Variants in ASTN1 observed in about 807,000 individuals in gnomAD.
The protein encoded by ASTN1 is astrotactin-1.
A neutral mutation model predicts 140.7 loss-of-function variants in ASTN1; 41 were observed. The ratio of observed to expected loss-of-function variants is 0.29; its 90% CI spans 0.23 to 0.38. ASTN1 has a LOEUF of 0.38. Among genes scored for constraint, ASTN1 ranks in the 10% least tolerant of loss-of-function variants. The probability of loss-of-function intolerance (pLI) is 1.00; values close to 1 mark genes in which losing one functional copy is unlikely to be tolerated. For missense variants in ASTN1, 1,479 were observed against 1,678.8 expected, an observed-to-expected ratio of 0.88 and a Z score of 2.08; for synonymous variants, 640 against 652.2, an observed-to-expected ratio of 0.98 and a Z score of 0.29.
rs79752339 is a variant in ASTN1 at position 176,862,305 on chromosome 1, C to T, written c.*1979G>A. The T allele has an allele frequency of 4.5e-4, 443 of 985,464 alleles. 2 individuals carry two copies. The African/African-American group carries it at 7.1e-3, about 16-fold the overall frequency. 61.0% of individuals were successfully genotyped at this position (985,464 alleles called of 1,614,324 possible). Reference sequence around the variant, plus strand: ...AGAAGGAGAGAGGAGAGTGAAACCACCCTGTGCTTTATCTCAGCCTCATCA... The same window carrying T: ...AGAAGGAGAGAGGAGAGTGAAACCATCCTGTGCTTTATCTCAGCCTCATCA... On this transcript the variant is annotated 3_prime_UTR_variant, in exon 23 of 23. Transcript: ENST00000361833.
At chr1:176,869,168 G>T (rs10913266) in intron 21 of ASTN1, 141 bp from the exon 22 acceptor site, 8,016 of 499,554 alleles carry the variant, frequency 0.016, 499 homozygotes, top group African/African-American at 0.15. Context: ...TATATAATAT[G>T]CATATATATC....
At chr1:177,108,263 C>A (rs760130519) in intron 1 of ASTN1, among the ~76,000 whole-genome samples, 1 of 147,974 alleles carries the variant, frequency 6.8e-6, no homozygotes, top group Non-Finnish European at 1.5e-5. Flanking sequence ...GCAGGAGAAT[C>A]GCTTGGACCC....
At chr1:176,902,827 C>T (rs1036911962) in intron 16 of ASTN1, among the ~76,000 whole-genome samples, 3 of 152,160 alleles carry the variant, frequency 2.0e-5, no homozygotes, top group Non-Finnish European at 4.4e-5. Context: ...AATTGCTCAG[C>T]GAGGCAGACA....
At chr1:177,057,643 G>A (rs907243823) in intron 2 of ASTN1, among the ~76,000 whole-genome samples, 7 of 152,010 alleles carry the variant, frequency 4.6e-5, no homozygotes, top group East Asian at 1.9e-4. Context: ...TTCGATAATC[G>A]CTTTATCTTT....
At chr1:177,087,685 T>C (rs1367323919) in intron 1 of ASTN1, among the ~76,000 whole-genome samples, 1 of 152,154 alleles carries the variant, frequency 6.6e-6, no homozygotes, top group African/African-American at 2.4e-5. Flanking sequence ...CAGACCAACT[T>C]TTGGATGGAA....
chr1:177,037,687 G>A (rs1303997590), intron 2 of ASTN1, among the ~76,000 whole-genome samples: 1 of 152,132 alleles, frequency 6.6e-6, no homozygotes, highest in Admixed American at 6.5e-5. Flanking sequence ...GCAAAACATG[G>A]AATTGCTTTG....
At chr1:176,888,015 T>TAGAC in intron 18 of ASTN1, 56 bp downstream of exon 18, 1 of 1,607,772 alleles carries the variant, frequency 6.2e-7, no homozygotes, top group East Asian at 2.2e-5. Flanking sequence ...TTGCAAATAG[T>TAGAC]AGACGCTCAT....
intron 11 of ASTN1, among the ~76,000 whole-genome samples, chr1:176,951,763 T>C (rs1672199816): frequency 6.6e-6 from 1 of 152,208 alleles, no homozygotes; most frequent in Non-Finnish European, 1.5e-5. Flanking sequence ...TTAGGCAACT[T>C]GCAGAAAAGA....
intron 20 of ASTN1, among the ~76,000 whole-genome samples, chr1:176,879,237 G>A (rs1356737896): frequency 6.6e-6 from 1 of 152,124 alleles, no homozygotes; most frequent in East Asian, 1.9e-4. Context: ...GGTTTCCATT[G>A]CTGAGGTCCT....
At chr1:177,010,456 G>A (rs190375872) in intron 8 of ASTN1, among the ~76,000 whole-genome samples, 1 of 152,232 alleles carries the variant, frequency 6.6e-6, no homozygotes, top group African/African-American at 2.4e-5. Context: ...GACCAAGGCT[G>A]TAACCTCAAA....
intron 1 of ASTN1, among the ~76,000 whole-genome samples, chr1:177,069,749 T>A (rs977790041): frequency 6.6e-6 from 1 of 152,130 alleles, no homozygotes; most frequent in Non-Finnish European, 1.5e-5. Context: ...GACTTGTGAT[T>A]TCATCCAAAC....
At chr1:176,883,474 G>A (rs114681329) in intron 19 of ASTN1, among the ~76,000 whole-genome samples, 2 of 152,268 alleles carry the variant, frequency 1.3e-5, no homozygotes, top group East Asian at 1.9e-4. Context: ...GAATACAGGC[G>A]TGAGGCACAA....
intron 1 of ASTN1, among the ~76,000 whole-genome samples, chr1:177,075,027 T>A (rs1195578253): frequency 6.6e-6 from 1 of 152,180 alleles, no homozygotes; most frequent in Non-Finnish European, 1.5e-5. Flanking sequence ...CTCACACCCA[T>A]TGCTTTATAT....
chr1:177,020,628 C>G (rs1014481204), intron 7 of ASTN1, among the ~76,000 whole-genome samples: 10 of 152,250 alleles, frequency 6.6e-5, no homozygotes, highest in Non-Finnish European at 5.9e-5. Flanking sequence ...ATATGCATCA[C>G]TAATTCTCCT....
chr1:177,045,638 C>T (rs895675245), intron 2 of ASTN1, among the ~76,000 whole-genome samples: 5 of 152,148 alleles, frequency 3.3e-5, no homozygotes, highest in Admixed American at 2.0e-4. Flanking sequence ...GTTTTTAGAG[C>T]GTGTGAGGAC....
intron 8 of ASTN1, among the ~76,000 whole-genome samples, chr1:176,975,362 G>A (rs763515750): frequency 8.5e-5 from 13 of 152,242 alleles, no homozygotes; most frequent in Non-Finnish European, 1.6e-4. Flanking sequence ...AAGGGGCAGA[G>A]GGGAGGATTG....
At chr1:177,040,429 C>T (rs988346951) in intron 2 of ASTN1, among the ~76,000 whole-genome samples, 2 of 152,192 alleles carry the variant, frequency 1.3e-5, no homozygotes, top group Non-Finnish European at 2.9e-5. Context: ...CCTCAAGATG[C>T]TTCAGCATCC....
At chr1:177,048,261 G>A (rs1459931432) in intron 2 of ASTN1, among the ~76,000 whole-genome samples, 1 of 152,242 alleles carries the variant, frequency 6.6e-6, no homozygotes, top group East Asian at 1.9e-4. Flanking sequence ...TGGCAACATG[G>A]GACTGACTTG....
chr1:177,037,467 A>T (rs1321854578), intron 2 of ASTN1, among the ~76,000 whole-genome samples: 1 of 152,240 alleles, frequency 6.6e-6, no homozygotes, highest in Non-Finnish European at 1.5e-5. Flanking sequence ...AGCATACAGA[A>T]GTTCTTCACA....
Sources: allele counts gnomAD v4.1 joint callset (sites outside exome capture counted in the v4.1 genomes callset), GRCh38; gene constraint gnomAD v4.1.1; transcripts MANE v1.5; gene names NCBI Gene and HGNC (gene_info 2026-07-23, HGNC 2026-07-21).